Variants in ASTN1 observed in about 807,000 individuals in gnomAD.
ASTN1 encodes astrotactin-1.
In ASTN1, 41 loss-of-function variants were observed where a neutral mutation model predicts 140.7. That is an observed-to-expected ratio of 0.29 (90% CI 0.23 to 0.38). The LOEUF is 0.38. ASTN1 is among the 10% of genes least tolerant of loss of function. The pLI is 1.00. For synonymous variants in ASTN1, 640 were observed against 652.2 expected, an observed-to-expected ratio of 0.98 and a Z score of 0.29; for missense variants, 1,479 against 1,678.8, an observed-to-expected ratio of 0.88 and a Z score of 2.08.
At chr1:176,914,317 G>A (rs1670386318) in intron 16 of ASTN1, among the ~76,000 whole-genome samples, 1 of 152,156 alleles carries the variant, frequency 6.6e-6, no homozygotes, top group Non-Finnish European at 1.5e-5. Flanking sequence ...TGAGGCCCAG[G>A]GGAGTCGCCA....
At chr1:177,155,139 T>C in intron 1 of ASTN1, among the ~76,000 whole-genome samples, 1 of 152,180 alleles carries the variant, frequency 6.6e-6, no homozygotes. Context: ...TACAACTATA[T>C]GGCATTCTGG....
intron 16 of ASTN1, among the ~76,000 whole-genome samples, chr1:176,895,155 C>T (rs764543478): frequency 1.8e-4 from 27 of 152,186 alleles, no homozygotes; most frequent in Non-Finnish European, 3.7e-4. Context: ...TTCTATGACT[C>T]AATTTCTTCA....
In ASTN1 at chr1:176,902,632, C is replaced by T. The variant is rs140707327; in HGVS notation, c.2672-7802G>A. Among the ~76,000 whole-genome samples the T allele has an allele frequency of 2.4e-3, 372 of 152,200 alleles. 1 individual carries two copies. The highest frequency in any genetic ancestry group is 9.8e-3 in the South Asian group (47 of 4,818). Reference sequence around the variant, plus strand: ...ATAACGAATTGACTAAACAGCCTCCCGTATGCTTCTTTCTGCTCAGTAATG... The same window carrying T: ...ATAACGAATTGACTAAACAGCCTCCTGTATGCTTCTTTCTGCTCAGTAATG... On this transcript the variant is annotated intron_variant, in intron 16 of 22. Transcript: ENST00000361833.
intron 1 of ASTN1, among the ~76,000 whole-genome samples, chr1:177,089,144 G>A (rs928289670): frequency 6.6e-6 from 1 of 152,176 alleles, no homozygotes; most frequent in Non-Finnish European, 1.5e-5. Context: ...CAAAAGCAGA[G>A]GAGGTGACCC....
intron 1 of ASTN1, among the ~76,000 whole-genome samples, chr1:177,076,435 G>A (rs558664621): frequency 9.9e-4 from 150 of 151,928 alleles, no homozygotes; most frequent in Non-Finnish European, 1.6e-3. Context: ...GTGCATCCTT[G>A]GTCATAATGA....
intron 16 of ASTN1, among the ~76,000 whole-genome samples, chr1:176,906,883 G>T (rs549633346): frequency 6.6e-6 from 1 of 151,970 alleles, no homozygotes; most frequent in South Asian, 2.1e-4. Flanking sequence ...CTACTTTGGT[G>T]GGGGAGGTAG....
chr1:176,935,973 C>T (rs540411757), intron 15 of ASTN1: 1 of 452,366 alleles, frequency 2.2e-6, no homozygotes, highest in East Asian at 4.5e-5. Context: ...TTTATGTATC[C>T]TCTCCACATA....
rs577347878 is a variant in ASTN1, at chr1:177,051,820, T to C, written c.471+9258A>G. On this transcript the variant is annotated intron_variant, in intron 2 of 22. Transcript: ENST00000361833. ...GCATCACCCACTACTCTAAGTCTTCTTTTTCCCATTGTGAATGAGAGTAAT... is the reference window on the plus strand; with the variant it reads ...GCATCACCCACTACTCTAAGTCTTCCTTTTCCCATTGTGAATGAGAGTAAT... Among the ~76,000 whole-genome samples, 19 of 152,230 alleles carry C rather than the reference T, an allele frequency of 1.2e-4. No homozygotes were observed. The South Asian group carries it at 3.7e-3, about 30-fold the overall frequency.
In ASTN1 at chr1:176,876,594, G is replaced by T; in HGVS notation, c.3406C>A (p.Pro1136Thr). Residue 1136 changes from proline (P) to threonine (T), a missense_variant, in exon 21 of 23, where the codon CCA (proline) becomes ACA (threonine). Transcript: ENST00000361833. ...GVDNTGRRSR[P>T]SDVIVKTPCP... is the part of the protein sequence containing the mutation. The stretch of plus-strand genomic sequence containing the variant: ...GGGGTCTTCACGATCACGTCGCTTG[G>T]CCTGGAGCGCCGTCCTGTGTTGTCC... 1.2e-6 allele frequency: 2 copies of T among 1,614,134 alleles called. No homozygotes were observed. Among genetic ancestry groups the T allele is most frequent in the Non-Finnish European group, 1.7e-6 (2 of 1,180,026 alleles).
At chr1:176,906,298 T>C (rs1669996748) in intron 16 of ASTN1, among the ~76,000 whole-genome samples, 1 of 152,168 alleles carries the variant, frequency 6.6e-6, no homozygotes, top group South Asian at 2.1e-4. Flanking sequence ...ATGAATTCTG[T>C]GTATTTTCAG....
intron 1 of ASTN1, among the ~76,000 whole-genome samples, chr1:177,072,497 A>G (rs1360749598): frequency 6.6e-6 from 1 of 152,206 alleles, no homozygotes; most frequent in East Asian, 1.9e-4. Flanking sequence ...GCATAGCTCC[A>G]TGGAAACGTT....
chr1:176,942,844 A>ATC, intron 14 of ASTN1, among the ~76,000 whole-genome samples: 1 of 76,388 alleles, frequency 1.3e-5, no homozygotes, highest in Non-Finnish European at 2.8e-5. Flanking sequence ...ATGTATATAT[A>ATC]TATATATATA....
intron 21 of ASTN1, 35 bp downstream of exon 21, chr1:176,876,502 C>T (rs977251358): frequency 6.2e-7 from 1 of 1,607,956 alleles, no homozygotes; most frequent in Non-Finnish European, 8.5e-7. Context: ...CTGGGGCATC[C>T]CTTCAGAAAC....
chr1:177,064,233 T>A (rs753644640), intron 1 of ASTN1, among the ~76,000 whole-genome samples: 10 of 152,170 alleles, frequency 6.6e-5, no homozygotes, highest in Non-Finnish European at 1.5e-4. Flanking sequence ...ATCCATGTAG[T>A]CATTTAGGAG....
chr1:176,876,631 C>T lies in ASTN1; in HGVS notation c.3369G>A (p.Thr1123=), dbSNP rs776336010. ...CLEPDTIYMF[T]LWGVDNTGRR... ...GTCCTGTGTTGTCCACTCCCCACAGCGTGAACCTGGCAGGGAGTGGGAGGG... is the reference window on the plus strand; with the variant it reads ...GTCCTGTGTTGTCCACTCCCCACAGTGTGAACCTGGCAGGGAGTGGGAGGG... The change falls in exon 21 of 23, where the codon ACG becomes ACA. Residue 1123 remains threonine (T), a synonymous_variant. Transcript: ENST00000361833. The T allele has an allele frequency of 3.1e-5, 50 of 1,613,948 alleles. 1 individual carries two copies. Among genetic ancestry groups the T allele is most frequent in the African/African-American group, 1.6e-4 (12 of 74,916 alleles).
intron 1 of ASTN1, among the ~76,000 whole-genome samples, chr1:177,094,077 C>T (rs1239874617): frequency 1.3e-5 from 2 of 152,174 alleles, no homozygotes; most frequent in African/African-American, 4.8e-5. Flanking sequence ...TGTATTAGTG[C>T]TGCTTTTATA....
At chr1:176,910,164 G>A (rs535272661) in intron 16 of ASTN1, among the ~76,000 whole-genome samples, 8 of 152,192 alleles carry the variant, frequency 5.3e-5, no homozygotes, top group African/African-American at 1.7e-4. Context: ...TTTCTGAGTT[G>A]CATCTAACAT....
intron 21 of ASTN1, among the ~76,000 whole-genome samples, chr1:176,873,199 T>A (rs1668421949): frequency 6.6e-6 from 1 of 152,200 alleles, no homozygotes; most frequent in African/African-American, 2.4e-5. Flanking sequence ...TATGTCTGCA[T>A]CAGGAAGACA....
At chr1:176,949,048 T>A in intron 12 of ASTN1, 137 bp downstream of exon 12, 1 of 1,254,862 alleles carries the variant, frequency 8.0e-7, no homozygotes, top group Non-Finnish European at 1.1e-6. Flanking sequence ...CCCCCCCAAG[T>A]CCTAGAGGCT....
Sources: gnomAD v4.1 joint callset for allele counts (sites outside exome capture counted in the v4.1 genomes callset) on GRCh38, gnomAD v4.1.1 for gene constraint, MANE v1.5 for transcripts, NCBI Gene and HGNC (gene_info 2026-07-23, HGNC 2026-07-21) for gene names.